GRIK1: variants seen among roughly 807,000 people sequenced by gnomAD.
GRIK1 encodes the protein glutamate ionotropic receptor kainate type subunit 1.
In GRIK1, 69 loss-of-function variants were observed where a neutral mutation model predicts 105.7. The ratio of observed to expected loss-of-function variants is 0.65; its 90% CI spans 0.54 to 0.80. The LOEUF (loss-of-function observed/expected upper bound fraction) is 0.80. Among genes scored for constraint, GRIK1 ranks in the 30% least tolerant of loss-of-function variants. The probability of loss-of-function intolerance (pLI) is 0.00; values close to 1 mark genes in which losing one functional copy is unlikely to be tolerated. For missense variants in GRIK1, 1,109 were observed against 1,167.3 expected (o/e 0.95, Z 0.73); for synonymous variants, 438 against 431.3 (o/e 1.02, Z -0.19).
intron 13 of GRIK1, among the ~76,000 whole-genome samples, chr21:29,579,053 G>C (rs2090958707): frequency 6.6e-6 from 1 of 152,048 alleles, no homozygotes. Flanking sequence ...ATGGCATTAA[G>C]AGTGGACAGA....
chr21:29,835,988 G>A (rs925513037), intron 1 of GRIK1, among the ~76,000 whole-genome samples: 2 of 141,906 alleles, frequency 1.4e-5, no homozygotes, highest in African/African-American at 4.9e-5. Flanking sequence ...GACACACTTT[G>A]GTGAAAGAAA....
chr21:29,834,439 G>T (rs1464474219), intron 1 of GRIK1, among the ~76,000 whole-genome samples: 1 of 151,072 alleles, frequency 6.6e-6, no homozygotes, highest in African/African-American at 2.4e-5. Context: ...CTAACCATCA[G>T]TGAAAATATA....
At chr21:29,631,086 G>A (rs1568911923) in intron 7 of GRIK1, among the ~76,000 whole-genome samples, 2 of 152,134 alleles carry the variant, frequency 1.3e-5, no homozygotes, top group Non-Finnish European at 2.9e-5. Context: ...GGGATTACAG[G>A]CCTGAGCTAC....
chr21:29,560,558 T>TCTCTCTCTCTC (rs1568815789), intron 15 of GRIK1, among the ~76,000 whole-genome samples: 3 of 121,732 alleles, frequency 2.5e-5, no homozygotes, highest in African/African-American at 1.1e-4. Flanking sequence ...CTTTCTTTCT[T>TCTCTCTCTCTC]TCTTTCTTTC....
At chr21:29,890,194 G>A (rs1360220226) in intron 1 of GRIK1, among the ~76,000 whole-genome samples, 1 of 151,998 alleles carries the variant, frequency 6.6e-6, no homozygotes, top group African/African-American at 2.4e-5. Flanking sequence ...CACACCATAG[G>A]CTCTAGATTA....
At chr21:29,687,657 T>C (rs918363475) in intron 3 of GRIK1, among the ~76,000 whole-genome samples, 1 of 152,238 alleles carries the variant, frequency 6.6e-6, no homozygotes, top group African/African-American at 2.4e-5. Context: ...TTTCAGTTTC[T>C]TGTAGAAGAT....
intron 1 of GRIK1, among the ~76,000 whole-genome samples, chr21:29,916,388 TA>T (rs1010592967): frequency 1.1e-3 from 164 of 151,326 alleles, no homozygotes; most frequent in African/African-American, 1.9e-3. Context: ...CCTGTTTCTG[TA>T]AAAAAAAATT....
intron 1 of GRIK1, among the ~76,000 whole-genome samples, chr21:29,938,200 C>T (rs920245180): frequency 1.3e-5 from 2 of 152,200 alleles, no homozygotes; most frequent in African/African-American, 4.8e-5. Flanking sequence ...CGTCACTATG[C>T]CAGTGTCTGG....
At chr21:29,664,472 T>C (rs1451574881) in intron 4 of GRIK1, among the ~76,000 whole-genome samples, 1 of 152,194 alleles carries the variant, frequency 6.6e-6, no homozygotes, top group African/African-American at 2.4e-5. Context: ...TACTAATACA[T>C]TCCCTTTTTA....
chr21:29,773,832 C>T (rs565892750), intron 1 of GRIK1, among the ~76,000 whole-genome samples: 2 of 152,222 alleles, frequency 1.3e-5, no homozygotes, highest in East Asian at 3.9e-4. Flanking sequence ...GTGGAAAAAT[C>T]TGTCATAAAC....
At chr21:29,861,767 T>G (rs2068648581) in intron 1 of GRIK1, 1 of 360,016 alleles carries the variant, frequency 2.8e-6, no homozygotes, top group South Asian at 2.2e-5. Context: ...ATTGCATTAA[T>G]TTCTTTGTAA....
At chr21:29,660,982 CTCTT>C (rs2146599017) in intron 4 of GRIK1, among the ~76,000 whole-genome samples, 1 of 152,294 alleles carries the variant, frequency 6.6e-6, no homozygotes, top group Non-Finnish European at 1.5e-5. Flanking sequence ...CAGTGTGTAG[CTCTT>C]TTTTATTTGC....
chr21:29,736,409 T>C (rs2064792595), intron 1 of GRIK1, among the ~76,000 whole-genome samples: 2 of 152,030 alleles, frequency 1.3e-5, no homozygotes, highest in Non-Finnish European at 1.5e-5. Context: ...TTTTTATATT[T>C]GTAGAGACAA....
rs199681446 is a variant in GRIK1, at chr21:29,579,987, GTATATATA to G, written c.1912+1430_1912+1437del. 5.6e-3 allele frequency among the ~76,000 whole-genome samples: 647 copies of G among 116,044 alleles called. 10 individuals carry two copies. Among genetic ancestry groups the G allele is most frequent in the East Asian group, 0.027 (112 of 4,108 alleles). The allele number at this position is 116,044 out of a possible 152,430, so 76.1% of individuals were successfully genotyped here. A position where few individuals can be genotyped will look rare whatever the true frequency, so the allele number is the denominator to read the frequency against. On this transcript the variant is annotated intron_variant, in intron 13 of 17. Transcript: ENST00000327783. ...TGTGTATATATATATATATATGTGT[GTATATATA>G]TGTATATATATGTATATATATGTGT...
intron 1 of GRIK1, among the ~76,000 whole-genome samples, chr21:29,893,151 A>T (rs2069968963): frequency 6.6e-6 from 1 of 152,236 alleles, no homozygotes; most frequent in Non-Finnish European, 1.5e-5. Context: ...AAACTAGGAA[A>T]TTGAGACTTT....
intron 1 of GRIK1, among the ~76,000 whole-genome samples, chr21:29,827,037 C>T (rs1344001487): frequency 1.3e-5 from 2 of 152,036 alleles, no homozygotes; most frequent in Admixed American, 6.6e-5. Flanking sequence ...TAAAGTGATT[C>T]AGCTAGATCA....
rs922820500 is a variant in GRIK1, at chr21:29,712,746, T to G, written c.119-18683A>C. ...TTTATCTTCTTTTGCACTTATACATTAAGGAAAGAAACTATCTTCCAATTA... is the reference window on the plus strand; with the variant it reads ...TTTATCTTCTTTTGCACTTATACATGAAGGAAAGAAACTATCTTCCAATTA... On this transcript the variant is annotated intron_variant, in intron 1 of 17. Coordinates refer to ENST00000327783, the MANE Select transcript of GRIK1 (RefSeq NM_001330994.2). Among the ~76,000 whole-genome samples the G allele has an allele frequency of 3.3e-5, 5 of 152,306 alleles. No individual in the cohort carries two copies. The East Asian group carries it at 9.6e-4, about 29-fold the overall frequency.
At chr21:29,629,194 A>ATGTGTGTGTGTGTG (rs71191120) in intron 7 of GRIK1, among the ~76,000 whole-genome samples, 13 of 132,662 alleles carry the variant, frequency 9.8e-5, no homozygotes, top group Middle Eastern at 3.6e-3. Context: ...GAAAGGAGAA[A>ATGTGTGTGTGTGTG]TGTGTGTGTG....
intron 1 of GRIK1, among the ~76,000 whole-genome samples, chr21:29,936,770 C>T (rs554401258): frequency 1.2e-4 from 18 of 152,310 alleles, no homozygotes; most frequent in Non-Finnish European, 2.4e-4. Context: ...TTTATCTTAG[C>T]TTTTATCCTT....
Sources: gnomAD v4.1 joint callset for allele counts (sites outside exome capture counted in the v4.1 genomes callset) on GRCh38, gnomAD v4.1.1 for gene constraint, MANE v1.5 for transcripts, NCBI Gene and HGNC (gene_info 2026-07-23, HGNC 2026-07-21) for gene names.